CSMD1: variants seen among roughly 807,000 people sequenced by gnomAD.
CSMD1 encodes the protein CUB and sushi domain-containing protein 1.
Under a neutral mutation model 417.5 loss-of-function variants are expected in CSMD1, and 213 were observed. The observed-to-expected ratio is 0.51, with a 90% confidence interval of 0.46 to 0.57. The LOEUF is 0.57. CSMD1 is among the 20% of genes least tolerant of loss of function. CSMD1 has a pLI of 0.00. For synonymous variants in CSMD1, 2,862 were observed against 1,736.8 expected (o/e 1.65, Z -16.11); for missense variants, 6,923 against 4,529.7 (o/e 1.53, Z -15.17).
At chr8:3,941,257 C>G (rs781273815) in intron 5 of CSMD1, among the ~76,000 whole-genome samples, 13 of 152,060 alleles carry the variant, frequency 8.5e-5, no homozygotes, top group Non-Finnish European at 1.3e-4. Flanking sequence ...TTAGCTGAAA[C>G]CTGACTTGCT....
At chr8:4,459,650 C>T (rs1266706182) in intron 2 of CSMD1, among the ~76,000 whole-genome samples, 1 of 152,128 alleles carries the variant, frequency 6.6e-6, no homozygotes, top group Non-Finnish European at 1.5e-5. Context: ...CAAAGCCTGG[C>T]CTCAAAAATA....
chr8:4,980,125 C>T (rs529017717), intron 1 of CSMD1, among the ~76,000 whole-genome samples: 1 of 152,196 alleles, frequency 6.6e-6, no homozygotes, highest in Non-Finnish European at 1.5e-5. Flanking sequence ...TCGTTACTTC[C>T]TATACAAAGC....
chr8:3,181,013 A>G (rs1424362495), intron 37 of CSMD1, 97 bp downstream of exon 37: 1 of 759,358 alleles, frequency 1.3e-6, no homozygotes, highest in East Asian at 2.7e-5. Context: ...TTAGAAAAAT[A>G]ATATTTCACT....
intron 3 of CSMD1, among the ~76,000 whole-genome samples, chr8:4,354,057 A>G (rs1278316496): frequency 2.6e-5 from 4 of 152,208 alleles, no homozygotes; most frequent in East Asian, 1.9e-4. Context: ...ATGCAGCTAT[A>G]TATCATTTCA....
chr8:4,840,962 C>G (rs1353393259), intron 1 of CSMD1, among the ~76,000 whole-genome samples: 1 of 152,156 alleles, frequency 6.6e-6, no homozygotes, highest in Non-Finnish European at 1.5e-5. Context: ...AAAACAAGTG[C>G]ACTGGGCTAG....
chr8:4,896,267 T>A (rs961508052), intron 1 of CSMD1, among the ~76,000 whole-genome samples: 1 of 152,168 alleles, frequency 6.6e-6, no homozygotes, highest in Non-Finnish European at 1.5e-5. Context: ...CTCTATATGC[T>A]TTTCCCTAGC....
intron 5 of CSMD1, among the ~76,000 whole-genome samples, chr8:3,868,490 C>A (rs1224475201): frequency 1.3e-5 from 2 of 152,098 alleles, no homozygotes; most frequent in African/African-American, 4.8e-5. Flanking sequence ...TCTCATTCAA[C>A]AGACACAAAG....
At chr8:4,481,191 G>T (rs1337608753) in intron 2 of CSMD1, among the ~76,000 whole-genome samples, 1 of 152,172 alleles carries the variant, frequency 6.6e-6, no homozygotes, top group African/African-American at 2.4e-5. Flanking sequence ...ATAGTCAATT[G>T]TGCTTGTTTA....
chr8:3,036,396 C>A (rs1463226688), intron 50 of CSMD1, among the ~76,000 whole-genome samples: 1 of 152,090 alleles, frequency 6.6e-6, no homozygotes, highest in Non-Finnish European at 1.5e-5. Context: ...TGTTTTGTTT[C>A]TTAACAGAGA....
At chr8:3,626,018 G>A (rs1056898584) in intron 7 of CSMD1, among the ~76,000 whole-genome samples, 8 of 152,156 alleles carry the variant, frequency 5.3e-5, no homozygotes, top group Non-Finnish European at 1.0e-4. Context: ...CTACTATAAA[G>A]TCAGTGTAAA....
At chr8:3,155,529 A>T (rs11136585) in intron 39 of CSMD1, among the ~76,000 whole-genome samples, 1 of 150,730 alleles carries the variant, frequency 6.6e-6, no homozygotes, top group Non-Finnish European at 1.5e-5. Flanking sequence ...CACCACGCCC[A>T]GCTAATTTTT....
intron 3 of CSMD1, among the ~76,000 whole-genome samples, chr8:4,194,396 C>T (rs1365687667): frequency 6.6e-6 from 1 of 152,106 alleles, no homozygotes; most frequent in Non-Finnish European, 1.5e-5. Context: ...AGTCATGAAA[C>T]AATGGACACT....
At position 4,318,667 on chromosome 8, in the gene CSMD1, A is replaced by G. The variant is rs957794328; in HGVS notation, c.415+101286T>C. ...TTTAAGACGTCACTGATTGTTTTTG[A>G]TATCACTGATTTTTAACTCAAAGGC... On this transcript the variant is annotated intron_variant, in intron 3 of 69. Coordinates refer to ENST00000635120, the MANE Select transcript of CSMD1 (RefSeq NM_033225.6). 2.0e-5 allele frequency among the ~76,000 whole-genome samples: 3 copies of G among 150,066 alleles called. No individual in the cohort carries two copies. In the East Asian group the frequency reaches 6.2e-4, roughly 31 times the overall value.
intron 1 of CSMD1, among the ~76,000 whole-genome samples, chr8:4,831,478 C>A (rs560794033): frequency 1.2e-4 from 18 of 152,106 alleles, no homozygotes; most frequent in Middle Eastern, 3.2e-3. Context: ...ACACTATCAT[C>A]TTAGAGTTTT....
intron 6 of CSMD1, among the ~76,000 whole-genome samples, chr8:3,742,112 G>C (rs182742618): frequency 9.9e-5 from 15 of 151,794 alleles, no homozygotes; most frequent in African/African-American, 3.4e-4. Flanking sequence ...GAGGAATCCT[G>C]TCCATCAGTC....
intron 1 of CSMD1, among the ~76,000 whole-genome samples, chr8:4,858,837 T>A (rs924388827): frequency 3.2e-4 from 47 of 147,864 alleles, no homozygotes; most frequent in African/African-American, 1.1e-3. Context: ...ATGGCCATAC[T>A]GCCCAAGGTA....
At chr8:4,366,110 C>T (rs958401908) in intron 3 of CSMD1, among the ~76,000 whole-genome samples, 15 of 152,066 alleles carry the variant, frequency 9.9e-5, no homozygotes, top group African/African-American at 3.6e-4. Context: ...TACCCGGCAC[C>T]TGTTGTTCCC....
intron 52 of CSMD1, among the ~76,000 whole-genome samples, chr8:3,014,113 A>T (rs2128965302): frequency 6.6e-6 from 1 of 152,278 alleles, no homozygotes; most frequent in East Asian, 1.9e-4. Flanking sequence ...TCCTATCGTG[A>T]GAATTTGAGA....
intron 1 of CSMD1, among the ~76,000 whole-genome samples, chr8:4,888,090 C>T (rs1284146862): frequency 2.0e-5 from 3 of 151,730 alleles, no homozygotes; most frequent in Non-Finnish European, 4.4e-5. Flanking sequence ...TGTAAAAATA[C>T]ATATGTACAC....
Sources: gnomAD v4.1 joint callset for allele counts (sites outside exome capture counted in the v4.1 genomes callset) on GRCh38, gnomAD v4.1.1 for gene constraint, MANE v1.5 for transcripts, NCBI Gene and HGNC (gene_info 2026-07-23, HGNC 2026-07-21) for gene names.